RAD51B: variants seen among roughly 807,000 people sequenced by gnomAD.
RAD51B encodes RAD51 paralog B.
Under a neutral mutation model 42.2 loss-of-function variants are expected in RAD51B, and 38 were observed. The observed-to-expected ratio is 0.90, with a 90% CI of 0.70 to 1.18. The LOEUF is 1.18. Ranked by LOEUF, RAD51B falls within the 50% of genes most tolerant of loss-of-function variation. RAD51B has a pLI of 0.00. For missense variants in RAD51B, 373 were observed against 400.7 expected, an observed-to-expected ratio of 0.93 and a Z score of 0.59; for synonymous variants, 154 against 145.2, an observed-to-expected ratio of 1.06 and a Z score of -0.43.
intron 10 of RAD51B, among the ~76,000 whole-genome samples, chr14:68,522,787 G>A (rs1886671696): frequency 6.6e-6 from 1 of 152,140 alleles, no homozygotes; most frequent in Non-Finnish European, 1.5e-5. Flanking sequence ...GAGGAACTGT[G>A]GGAGAGGGTC....
chr14:68,288,225 C>T (rs557665100), intron 7 of RAD51B, among the ~76,000 whole-genome samples: 2 of 152,288 alleles, frequency 1.3e-5, no homozygotes, highest in East Asian at 3.9e-4. Flanking sequence ...TAGTCTTCTT[C>T]CCAAGTTGTG....
At chr14:67,961,206 A>G (rs1007675229) in intron 7 of RAD51B, among the ~76,000 whole-genome samples, 33 of 148,332 alleles carry the variant, frequency 2.2e-4, no homozygotes, top group African/African-American at 1.5e-4. Flanking sequence ...GAGTCTCGCT[A>G]TGTTGCCCAG....
intron 8 of RAD51B, among the ~76,000 whole-genome samples, chr14:68,298,755 G>C (rs991458596): frequency 6.6e-6 from 1 of 152,264 alleles, no homozygotes; most frequent in East Asian, 1.9e-4. Context: ...CAAGTTAGAA[G>C]GACTCTCTGA....
At chr14:68,351,078 A>G (rs1363378516) in intron 8 of RAD51B, among the ~76,000 whole-genome samples, 1 of 152,224 alleles carries the variant, frequency 6.6e-6, no homozygotes, top group Admixed American at 6.5e-5. Flanking sequence ...GGTTGGGGAC[A>G]GTGGCAGTGG....
chr14:68,364,338 G>A (rs1391935454), intron 8 of RAD51B, among the ~76,000 whole-genome samples: 1 of 152,220 alleles, frequency 6.6e-6, no homozygotes, highest in Non-Finnish European at 1.5e-5. Flanking sequence ...GGCCAATTTA[G>A]AGGACAGATT....
rs1314989347 is a variant in RAD51B, at chr14:68,468,228, G to A, written c.1014G>A (p.Lys338=). The change falls in exon 10 of 11, where the codon AAG becomes AAA. Residue 338 remains lysine, a synonymous_variant. Coordinates refer to ENST00000471583, the MANE Select transcript of RAD51B (RefSeq NM_133510.4). ...TCACCTCATTTGTCTACACCATCAA[G>A]GAGGAAGGCCTGGTTCTTCAAGGTA... ...APFTSFVYTI[K]EEGLVLQGQE... 3 of 1,613,870 alleles carry A rather than the reference G, an allele frequency of 1.9e-6. No homozygotes were observed. The highest frequency in any genetic ancestry group is 2.5e-6 in the Non-Finnish European group (3 of 1,179,798).
chr14:68,153,177 A>G (rs2078427095), intron 7 of RAD51B, among the ~76,000 whole-genome samples: 1 of 152,230 alleles, frequency 6.6e-6, no homozygotes, highest in Admixed American at 6.5e-5. Context: ...CGTATAGTAT[A>G]AGAACCTTAA....
chr14:68,019,644 T>C (rs2075831928), intron 7 of RAD51B, among the ~76,000 whole-genome samples: 1 of 152,184 alleles, frequency 6.6e-6, no homozygotes, highest in African/African-American at 2.4e-5. Flanking sequence ...CTTGAGTGTG[T>C]GTGGATTTTG....
chr14:68,589,024 G>T (rs1271532448), intron 10 of RAD51B, among the ~76,000 whole-genome samples: 1 of 152,134 alleles, frequency 6.6e-6, no homozygotes, highest in Admixed American at 6.5e-5. Flanking sequence ...GGTGACCTGG[G>T]GCGAGTCCCT....
At chr14:68,070,798 T>C (rs1424949856) in intron 7 of RAD51B, among the ~76,000 whole-genome samples, 1 of 152,056 alleles carries the variant, frequency 6.6e-6, no homozygotes, top group Non-Finnish European at 1.5e-5. Flanking sequence ...AGTGCTTTTT[T>C]TTTTTTCTAA....
chr14:68,235,790 G>T (rs545273224), intron 7 of RAD51B, among the ~76,000 whole-genome samples: 2 of 143,210 alleles, frequency 1.4e-5, no homozygotes, highest in East Asian at 2.1e-4. Context: ...CAATAGCAAA[G>T]ATAAGGAATC....
At position 68,207,900 on chromosome 14, in the gene RAD51B, A is replaced by C. The variant is rs183854722; in HGVS notation, c.757-83984A>C. ...ATAACAAGTCAGCTCACGTTAATTA[A>C]TGTTTAATGTTTTGGGGACATTTAC... On this transcript the variant is annotated intron_variant, in intron 7 of 10. Coordinates refer to ENST00000471583, the MANE Select transcript of RAD51B (RefSeq NM_133510.4). Among the ~76,000 whole-genome samples, 9 of 152,286 alleles carry C rather than the reference A, an allele frequency of 5.9e-5. No homozygotes were observed. In the East Asian group the frequency reaches 1.7e-3, roughly 29 times the overall value.
intron 8 of RAD51B, among the ~76,000 whole-genome samples, chr14:68,400,944 T>C (rs2084086839): frequency 1.3e-5 from 2 of 152,126 alleles, no homozygotes; most frequent in Non-Finnish European, 2.9e-5. Flanking sequence ...GGGAAAGCTG[T>C]ATTGGAGAAA....
intron 10 of RAD51B, among the ~76,000 whole-genome samples, chr14:68,548,466 G>C (rs1016185452): frequency 6.6e-6 from 1 of 152,214 alleles, no homozygotes; most frequent in Non-Finnish European, 1.5e-5. Context: ...ATTGCAGAGC[G>C]GGTTGTGGGG....
At chr14:68,241,291 C>T (rs1396217070) in intron 7 of RAD51B, among the ~76,000 whole-genome samples, 7 of 152,196 alleles carry the variant, frequency 4.6e-5, no homozygotes. Context: ...GCCTGTAATC[C>T]CAGCACTTCG....
At chr14:68,031,160 G>A (rs1033351967) in intron 7 of RAD51B, among the ~76,000 whole-genome samples, 5 of 152,198 alleles carry the variant, frequency 3.3e-5, no homozygotes, top group Admixed American at 2.0e-4. Context: ...GGCTGGGGAA[G>A]CCTCACAATC....
chr14:68,066,267 G>C (rs972407001), intron 7 of RAD51B, among the ~76,000 whole-genome samples: 3 of 152,084 alleles, frequency 2.0e-5, no homozygotes, highest in Non-Finnish European at 2.9e-5. Flanking sequence ...TGAGAGAGAA[G>C]AGAGAAAATT....
exon 11 of RAD51B, chr14:68,594,592 C>T (rs1460891461): frequency 7.7e-7 from 1 of 1,295,692 alleles, no homozygotes; most frequent in Non-Finnish European, 1.0e-6. Context: ...CCATACCCAG[C>T]TAATTTTTTA....
At chr14:68,378,685 C>CT (rs577901642) in intron 8 of RAD51B, among the ~76,000 whole-genome samples, 104 of 141,240 alleles carry the variant, frequency 7.4e-4, no homozygotes, top group East Asian at 3.9e-3. Flanking sequence ...TTTTTCATTG[C>CT]TTTTTTTTTT....
Sources: allele counts gnomAD v4.1 joint callset (sites outside exome capture counted in the v4.1 genomes callset), GRCh38; gene constraint gnomAD v4.1.1; transcripts MANE v1.5; gene names NCBI Gene and HGNC (gene_info 2026-07-23, HGNC 2026-07-21).